The following HUNK variants were observed in gnomAD, a reference collection of about 807,000 sequenced individuals.
HUNK encodes the protein hormonally up-regulated Neu-associated kinase.
HUNK carries 21 observed loss-of-function variants against 61.0 expected under a neutral mutation model. The observed-to-expected ratio is 0.34, with a 90% CI of 0.24 to 0.50. HUNK has a LOEUF of 0.50. Ranked by LOEUF, HUNK falls within the 20% of genes least tolerant of loss-of-function variation. The probability of loss-of-function intolerance (pLI) is 0.98; values close to 1 mark genes in which losing one functional copy is unlikely to be tolerated. For missense variants in HUNK, 772 were observed against 945.7 expected, an observed-to-expected ratio of 0.82 and a Z score of 2.41; for synonymous variants, 371 against 386.1, an observed-to-expected ratio of 0.96 and a Z score of 0.46.
At chr21:31,977,968 G>A (rs574082824) in intron 7 of HUNK, among the ~76,000 whole-genome samples, 1 of 152,372 alleles carries the variant, frequency 6.6e-6, no homozygotes, top group East Asian at 1.9e-4. Flanking sequence ...AAAGCGCTGG[G>A]ATTATAGGCA....
chr21:31,978,238 A>C (rs113434694), intron 7 of HUNK, among the ~76,000 whole-genome samples: 1 of 152,240 alleles, frequency 6.6e-6, no homozygotes, highest in Non-Finnish European at 1.5e-5. Flanking sequence ...CCTGTACAAC[A>C]TGATGCTTTG....
chr21:31,883,236 T>TA (rs2052321978), intron 1 of HUNK, among the ~76,000 whole-genome samples: 1 of 152,008 alleles, frequency 6.6e-6, no homozygotes, highest in Non-Finnish European at 1.5e-5. Flanking sequence ...TTTATAAGGG[T>TA]TCCCAACTTA....
intron 1 of HUNK, among the ~76,000 whole-genome samples, chr21:31,916,207 T>C (rs11911637): frequency 0.35 from 53,069 of 151,268 alleles, 9,934 homozygotes; most frequent in African/African-American, 0.47. Context: ...CCCACCACCA[T>C]ACCCGGCTAA....
chr21:31,925,888 A>G (rs1027744430), intron 2 of HUNK, among the ~76,000 whole-genome samples: 8 of 152,166 alleles, frequency 5.3e-5, no homozygotes, highest in African/African-American at 1.9e-4. Context: ...AATTATGATC[A>G]ATAATTACTC....
chr21:31,969,221 C>T lies in HUNK; in HGVS notation c.1010+836C>T, dbSNP rs76485299. Reference sequence around the variant, plus strand: ...TGTTTGCGTGTGTGTGATCAGCTCACGAGCCCACCTGCCAACATCAAACAG... The same window carrying T: ...TGTTTGCGTGTGTGTGATCAGCTCATGAGCCCACCTGCCAACATCAAACAG... On this transcript the variant is annotated intron_variant, in intron 6 of 10. Transcript: ENST00000270112. 6.0e-3 allele frequency among the ~76,000 whole-genome samples: 917 copies of T among 152,158 alleles called. 16 individuals are homozygous for T. The East Asian group carries it at 0.064, about 11-fold the overall frequency.
chr21:31,944,558 T>C (rs1321381358), intron 3 of HUNK, among the ~76,000 whole-genome samples: 2 of 119,788 alleles, frequency 1.7e-5, no homozygotes, highest in Non-Finnish European at 3.5e-5. Context: ...ACAGGGTTTG[T>C]GGGGTCTATG....
At chr21:31,885,577 A>C (rs1160142987) in intron 1 of HUNK, among the ~76,000 whole-genome samples, 2 of 152,140 alleles carry the variant, frequency 1.3e-5, no homozygotes, top group Non-Finnish European at 2.9e-5. Flanking sequence ...GAAGTCCAAA[A>C]TCAAGGTGTT....
intron 7 of HUNK, among the ~76,000 whole-genome samples, chr21:31,980,539 C>T (rs12710416): frequency 0.24 from 35,760 of 151,470 alleles, 4,411 homozygotes; most frequent in Non-Finnish European, 0.28. Flanking sequence ...TGCCACCACA[C>T]GTGGCTAATT....
chr21:31,953,026 A>G (rs148909918), intron 4 of HUNK, among the ~76,000 whole-genome samples: 3 of 152,052 alleles, frequency 2.0e-5, no homozygotes, highest in African/African-American at 7.2e-5. Flanking sequence ...AACTCCTACT[A>G]ATTCTATGGG....
intron 1 of HUNK, among the ~76,000 whole-genome samples, chr21:31,909,396 C>G (rs1423340116): frequency 6.6e-6 from 1 of 152,138 alleles, no homozygotes; most frequent in Non-Finnish European, 1.5e-5. Flanking sequence ...CTTGAGAACT[C>G]CCCTGGGTGG....
chr21:31,966,519 T>C (rs1272678562), intron 5 of HUNK, among the ~76,000 whole-genome samples: 1 of 152,160 alleles, frequency 6.6e-6, no homozygotes, highest in East Asian at 1.9e-4. Flanking sequence ...ACCCTGGTGG[T>C]GGGTTGACCA....
intron 1 of HUNK, among the ~76,000 whole-genome samples, chr21:31,881,259 A>G (rs890455403): frequency 6.6e-6 from 1 of 152,132 alleles, no homozygotes; most frequent in Non-Finnish European, 1.5e-5. Context: ...CATCTTTTCC[A>G]TGCGCATTTT....
chr21:31,895,747 G>A (rs901338406), intron 1 of HUNK, among the ~76,000 whole-genome samples: 2 of 152,226 alleles, frequency 1.3e-5, no homozygotes. Flanking sequence ...GTGTTTCACA[G>A]TGGTTGCTGA....
At chr21:31,925,747 A>T (rs1382996934) in intron 2 of HUNK, among the ~76,000 whole-genome samples, 1 of 152,228 alleles carries the variant, frequency 6.6e-6, no homozygotes, top group African/African-American at 2.4e-5. Context: ...CAATGTTGCC[A>T]TTGGTAGTGG....
At chr21:31,877,068 C>G (rs1456168186) in intron 1 of HUNK, among the ~76,000 whole-genome samples, 1 of 152,144 alleles carries the variant, frequency 6.6e-6, no homozygotes, top group African/African-American at 2.4e-5. Flanking sequence ...CTTGGGAAAT[C>G]AGTCCATGAA....
chr21:31,984,490 T>C (rs955537247), intron 8 of HUNK, among the ~76,000 whole-genome samples: 1 of 152,206 alleles, frequency 6.6e-6, no homozygotes, highest in Non-Finnish European at 1.5e-5. Context: ...CGCAAAAGTT[T>C]GGGATCAGGC....
intron 1 of HUNK, among the ~76,000 whole-genome samples, chr21:31,905,446 A>G (rs2052498585): frequency 6.6e-6 from 1 of 152,198 alleles, no homozygotes; most frequent in Admixed American, 6.5e-5. Context: ...AATGGTTGAA[A>G]GAGCAAAATG....
At chr21:31,887,284 A>C (rs923903485) in intron 1 of HUNK, among the ~76,000 whole-genome samples, 2 of 152,224 alleles carry the variant, frequency 1.3e-5, no homozygotes, top group Admixed American at 1.3e-4. Context: ...AAAATGTAGC[A>C]ACACTGCAAC....
chr21:31,896,257 C>A (rs2052424285), intron 1 of HUNK, among the ~76,000 whole-genome samples: 1 of 152,190 alleles, frequency 6.6e-6, no homozygotes, highest in South Asian at 2.1e-4. Context: ...ACTCTTCATA[C>A]ACCTCCATTT....
Sources: allele counts gnomAD v4.1 joint callset (sites outside exome capture counted in the v4.1 genomes callset), GRCh38; gene constraint gnomAD v4.1.1; transcripts MANE v1.5; gene names NCBI Gene and HGNC (gene_info 2026-07-23, HGNC 2026-07-21).